The following HERC3 variants were observed in gnomAD, a reference collection of about 807,000 sequenced individuals.
HERC3 encodes probable E3 ubiquitin-protein ligase HERC3.
HERC3 carries 58 observed loss-of-function variants against 129.9 expected under a neutral mutation model. That is an observed-to-expected ratio of 0.45 (90% CI 0.36 to 0.56). The LOEUF is 0.56. Among genes scored for constraint, HERC3 ranks in the 20% least tolerant of loss-of-function variants. The probability of loss-of-function intolerance (pLI) is 0.00; values close to 1 mark genes in which losing one functional copy is unlikely to be tolerated. For missense variants in HERC3, 835 were observed against 1,244.2 expected, an observed-to-expected ratio of 0.67 and a Z score of 4.95; for synonymous variants, 430 against 451.0, an observed-to-expected ratio of 0.95 and a Z score of 0.59.
the HERC3 span, among the ~76,000 whole-genome samples, chr4:88,547,852 C>T: frequency 1.3e-5 from 2 of 152,132 alleles, no homozygotes; most frequent in Non-Finnish European, 2.9e-5. Context: ...GATAGGGTTT[C>T]ACCACGTTAG....
the HERC3 span, among the ~76,000 whole-genome samples, chr4:88,563,056 A>T: frequency 1.1e-4 from 17 of 152,266 alleles, no homozygotes; most frequent in Middle Eastern, 3.4e-3. Context: ...TGGTATTTTG[A>T]TAGGCATTGC....
At chr4:88,623,989 T>C (rs1463190998) in intron 3 of HERC3, among the ~76,000 whole-genome samples, 1 of 152,230 alleles carries the variant, frequency 6.6e-6, no homozygotes, top group African/African-American at 2.4e-5. Flanking sequence ...TGCTTTTTTG[T>C]CACTATAGTT....
chr4:88,540,668 A>C, the HERC3 span, among the ~76,000 whole-genome samples: 4 of 152,198 alleles, frequency 2.6e-5, no homozygotes, highest in Non-Finnish European at 2.9e-5. Context: ...GTTGAAATGA[A>C]GGAAAAAATG....
chr4:88,607,214 T>G (rs1723759040), intron 3 of HERC3, among the ~76,000 whole-genome samples: 1 of 151,902 alleles, frequency 6.6e-6, no homozygotes, highest in Non-Finnish European at 1.5e-5. Context: ...TGCACTTGGG[T>G]GTATGAATGA....
chr4:88,685,827 C>T (rs147898218), intron 21 of HERC3, among the ~76,000 whole-genome samples: 29 of 152,132 alleles, frequency 1.9e-4, no homozygotes, highest in Non-Finnish European at 3.5e-4. Context: ...GTGTTTTCTT[C>T]TATATATATT....
At chr4:88,585,221 C>A in the HERC3 span, among the ~76,000 whole-genome samples, 4 of 152,242 alleles carry the variant, frequency 2.6e-5, no homozygotes, top group East Asian at 7.7e-4. Context: ...CCCACACCTC[C>A]AAATACCATC....
chr4:88,697,975 C>T, intron 23 of HERC3: 1 of 637,932 alleles, frequency 1.6e-6, no homozygotes, highest in Non-Finnish European at 2.7e-6. Flanking sequence ...CCTGTTGCTA[C>T]CCTGACATCT....
rs373862177 is a variant in HERC3, at chr4:88,662,347, A to G, written c.1147-84A>G. On this transcript the variant is annotated intron_variant, in intron 10 of 25. Coordinates refer to ENST00000402738, the MANE Select transcript of HERC3 (RefSeq NM_014606.3). ...ATTTAGATCATAAGTGAAACGTAAA[A>G]TGGAGAATATGTGGGAGAAAGGAGA... 89 of 1,353,940 alleles carry G rather than the reference A, an allele frequency of 6.6e-5. No individual in the cohort carries two copies. In the East Asian group the frequency reaches 1.6e-3, roughly 24 times the overall value. 83.9% of individuals were successfully genotyped at this position (1,353,940 alleles called of 1,614,324 possible).
chr4:88,686,467 G>C lies in HERC3; in HGVS notation c.2508-269G>C, dbSNP rs1037404966. Among the ~76,000 whole-genome samples the C allele has an allele frequency of 4.6e-5, 7 of 152,216 alleles. No homozygotes were observed. In the South Asian group the frequency reaches 1.4e-3, roughly 31 times the overall value. ...GAGTTAAGAGGACACAAGTATGTCA[G>C]ATTAAAAATCCATCTGATTTTCTTT... On this transcript the variant is annotated intron_variant, in intron 21 of 25. Coordinates refer to ENST00000402738, the MANE Select transcript of HERC3 (RefSeq NM_014606.3).
intron 5 of HERC3, 52 bp downstream of exon 5, chr4:88,652,140 C>G (rs751085164): frequency 2.1e-5 from 28 of 1,330,452 alleles, no homozygotes; most frequent in Non-Finnish European, 3.0e-5. Flanking sequence ...GAAAACATTT[C>G]TCTTTGTCTT....
the HERC3 span, among the ~76,000 whole-genome samples, chr4:88,566,413 C>T: frequency 2.0e-5 from 3 of 151,984 alleles, no homozygotes; most frequent in Admixed American, 6.6e-5. Context: ...ACTTCCTTCC[C>T]CCCTTTGCTT....
the HERC3 span, among the ~76,000 whole-genome samples, chr4:88,585,331 G>A: frequency 3.3e-5 from 5 of 152,230 alleles, no homozygotes; most frequent in African/African-American, 1.2e-4. Context: ...CCATCTTGTA[G>A]TTGGTTAGTA....
intron 18 of HERC3, 55 bp downstream of exon 18, chr4:88,676,478 C>CA: frequency 8.2e-7 from 1 of 1,218,740 alleles, no homozygotes; most frequent in Non-Finnish European, 1.2e-6. Flanking sequence ...CCATTCTAGA[C>CA]ATTCAGTTGT....
intron 23 of HERC3, chr4:88,693,185 C>T (rs1184845700): frequency 1.0e-6 from 1 of 982,766 alleles, no homozygotes; most frequent in African/African-American, 1.8e-5. Context: ...TTTTTTATTC[C>T]TCTTTTTTCT....
rs537723010 is a variant in HERC3 at position 88,664,657 on chromosome 4, A to G, written c.1331+445A>G. Among the ~76,000 whole-genome samples the G allele has an allele frequency of 3.3e-5, 5 of 152,316 alleles. No homozygotes were observed. The East Asian group carries it at 7.7e-4, about 23-fold the overall frequency. On this transcript the variant is annotated intron_variant, in intron 12 of 25. Transcript: ENST00000402738. ...GAATCATCAGTAAGATTTTCAGAGT[A>G]TTCTAAGATGTGTCATAATTCTAAA...
intron 14 of HERC3, 95 bp from the exon 15 acceptor site, chr4:88,669,765 T>A: frequency 9.6e-7 from 1 of 1,036,744 alleles, no homozygotes. Context: ...CTAATGTTTA[T>A]CTTCTAGACA....
At chr4:88,691,473 C>T (rs186675273) in intron 23 of HERC3, among the ~76,000 whole-genome samples, 22 of 152,186 alleles carry the variant, frequency 1.4e-4, no homozygotes, top group African/African-American at 4.8e-4. Flanking sequence ...TAGGTTCTGG[C>T]GAGGGCCTTC....
intron 3 of HERC3, among the ~76,000 whole-genome samples, chr4:88,626,028 A>T (rs1343109020): frequency 6.6e-6 from 1 of 151,876 alleles, no homozygotes; most frequent in Non-Finnish European, 1.5e-5. Flanking sequence ...ACTGTTTTTG[A>T]TTTCTTAAAT....
chr4:88,602,055 CAA>C (rs1266941147), intron 2 of HERC3, among the ~76,000 whole-genome samples: 4 of 43,824 alleles, frequency 9.1e-5, no homozygotes, highest in Admixed American at 2.3e-4. Context: ...GACTCCGTCT[CAA>C]AAAAAAAAAA....
Sources: allele counts gnomAD v4.1 joint callset (sites outside exome capture counted in the v4.1 genomes callset), GRCh38; gene constraint gnomAD v4.1.1; transcripts MANE v1.5; gene names NCBI Gene and HGNC (gene_info 2026-07-23, HGNC 2026-07-21).